The following IGFBP5 variants were observed in gnomAD, a reference collection of about 807,000 sequenced individuals.
IGFBP5 encodes the protein insulin-like growth factor-binding protein 5.
In IGFBP5, 12 loss-of-function variants were observed where a neutral mutation model predicts 28.0. That is an observed-to-expected ratio of 0.43 (90% confidence interval 0.27 to 0.69). The LOEUF is 0.69. Among genes scored for constraint, IGFBP5 ranks in the 30% least tolerant of loss-of-function variants. IGFBP5 has a pLI of 0.20. For synonymous variants in IGFBP5, 152 were observed against 150.2 expected (o/e 1.01, Z -0.09); for missense variants, 344 against 381.6 (o/e 0.90, Z 0.82).
Position 216,692,880 on chromosome 2 carries a change from A to G in IGFBP5, c.337+1559T>C, listed in dbSNP as rs1434722461. Among the ~76,000 whole-genome samples, 1 of 152,028 alleles carries G rather than the reference A, an allele frequency of 6.6e-6. No homozygotes were observed. Among genetic ancestry groups the G allele is most frequent in the Non-Finnish European group, 1.5e-5 (1 of 67,978 alleles). ...GGGTTTGCGGGGACTGAGGCTGAAC[A>G]CAGGAAGCTCTCCGGCCTCCTGGCA... On this transcript the variant is annotated intron_variant, in intron 1 of 3. Transcript: ENST00000233813. This position sits in a 1 kb window ranked among gnomAD's most constrained non-coding sequence, Gnocchi z 4.2.
chr2:216,690,450 C>T (rs1009668769), intron 1 of IGFBP5, among the ~76,000 whole-genome samples: 1 of 152,202 alleles, frequency 6.6e-6, no homozygotes, highest in Non-Finnish European at 1.5e-5. Flanking sequence ...ATAGGCATTG[C>T]TCAGGTACAA....
At chr2:216,687,686 A>G (rs1409655149) in intron 1 of IGFBP5, among the ~76,000 whole-genome samples, 2 of 152,152 alleles carry the variant, frequency 1.3e-5, no homozygotes, top group African/African-American at 2.4e-5. Context: ...ACATTCCCCA[A>G]ATGAGAAGGT....
At chr2:216,680,448 C>A (rs2106218908) in intron 1 of IGFBP5, among the ~76,000 whole-genome samples, 1 of 152,208 alleles carries the variant, frequency 6.6e-6, no homozygotes, top group East Asian at 1.9e-4. Context: ...CTGTTTTATG[C>A]CTCTGGGCAG....
rs1689141402 is a variant in IGFBP5 at position 216,694,390 on chromosome 2, T to TC, written c.337+48dup. ...GCGCGCGGGCCCAGCCGGTCTCGTG[T>TC]CCCCCGCCCGTGCGCCGCGTAACTG... On this transcript the variant is annotated intron_variant, in intron 1 of 3. Coordinates refer to ENST00000233813, the MANE Select transcript of IGFBP5 (RefSeq NM_000599.4). The surrounding 1 kb of genome is among the most constrained non-coding windows in gnomAD (Gnocchi z 5.2). 7.0e-7 allele frequency: 1 copy of TC among 1,421,130 alleles called. No homozygotes were observed. The highest frequency in any genetic ancestry group is 9.2e-7 in the Non-Finnish European group (1 of 1,082,960). The allele number at this position is 1,421,130 out of a possible 1,614,324, so 88.0% of individuals were successfully genotyped here.
rs559482329 is a variant in IGFBP5 at position 216,679,837 on chromosome 2, T to G, written c.338-758A>C. 6.6e-6 allele frequency among the ~76,000 whole-genome samples: 1 copy of G among 152,230 alleles called. No individual in the cohort carries two copies. The highest frequency in any genetic ancestry group is 1.9e-4 in the East Asian group (1 of 5,178). ...TCGGGGGCCTGGGAGGCTGGGACGTTACTCAGCTCTGGACTGAGAGAGGCC... is the reference window on the plus strand; with the variant it reads ...TCGGGGGCCTGGGAGGCTGGGACGTGACTCAGCTCTGGACTGAGAGAGGCC... On this transcript the variant is annotated intron_variant, in intron 1 of 3. Transcript: ENST00000233813. This position sits in a 1 kb window ranked among gnomAD's most constrained non-coding sequence, Gnocchi z 4.6.
intron 1 of IGFBP5, among the ~76,000 whole-genome samples, chr2:216,689,862 A>G (rs940223778): frequency 6.6e-6 from 1 of 152,206 alleles, no homozygotes; most frequent in African/African-American, 2.4e-5. Context: ...GCCAGGCACT[A>G]ACTAACTAAC....
intron 1 of IGFBP5, among the ~76,000 whole-genome samples, chr2:216,686,664 TTC>T (rs1689037785): frequency 6.8e-6 from 1 of 147,338 alleles, no homozygotes; most frequent in African/African-American, 2.6e-5. Context: ...ACTTTGACCT[TTC>T]TTTTTTTTTT....
chr2:216,679,559 G>A lies in IGFBP5; in HGVS notation c.338-480C>T, dbSNP rs1452832248. ...CAGATGACACAGTCAGGGCGTGGAC[G>A]AGAAGGGCAAAGGCTGTCCTGTTAG... On this transcript the variant is annotated intron_variant, in intron 1 of 3. Coordinates refer to ENST00000233813, the MANE Select transcript of IGFBP5 (RefSeq NM_000599.4). The surrounding 1 kb of genome is among the most constrained non-coding windows in gnomAD (Gnocchi z 4.6). 6.6e-6 allele frequency among the ~76,000 whole-genome samples: 1 copy of A among 152,134 alleles called. No homozygotes were observed. Among genetic ancestry groups the A allele is most frequent in the African/African-American group, 2.4e-5 (1 of 41,424 alleles).
intron 1 of IGFBP5, among the ~76,000 whole-genome samples, chr2:216,681,334 G>A (rs1042414057): frequency 3.3e-5 from 5 of 152,306 alleles, no homozygotes; most frequent in African/African-American, 1.2e-4. Context: ...CCTGGAGGGG[G>A]TTCAGATTGG....
At position 216,678,177 on chromosome 2, in the gene IGFBP5, G is replaced by C. The variant is rs766400391; in HGVS notation, c.622C>G (p.Arg208Gly). The change falls in exon 3 of 4, where the codon CGC becomes GGC. Residue 208 changes from arginine to glycine, a missense_variant. This residue lies in a region of IGFBP5 where 304 missense variants were observed against 329.2 expected (regional missense o/e 0.92). Coordinates refer to ENST00000233813, the MANE Select transcript of IGFBP5 (RefSeq NM_000599.4). ...ASLQELKASP[R>G]MVPRAVYLPN... ...AGGTACACAGCACGGGGCACCATGC[G>C]TGGGCTGGCTTTGAGCTCCTGCAGG... The C allele has an allele frequency of 1.3e-6, 2 of 1,595,398 alleles. No individual in the cohort carries two copies. The highest frequency in any genetic ancestry group is 1.7e-6 in the Non-Finnish European group (2 of 1,168,490).
Position 216,676,529 on chromosome 2 carries a change from A to AG in IGFBP5, c.*221dup, listed in dbSNP as rs6413496. 10,313 of 302,460 alleles carry AG rather than the reference A, an allele frequency of 0.034. 156 individuals carry two copies. Among genetic ancestry groups the AG allele is most frequent in the African/African-American group, 0.065 (2,849 of 43,752 alleles). The allele number at this position is 302,460 out of a possible 1,614,324, so 18.7% of individuals were successfully genotyped here. On this transcript the variant is annotated 3_prime_UTR_variant, in exon 4 of 4. Coordinates refer to ENST00000233813, the MANE Select transcript of IGFBP5 (RefSeq NM_000599.4). ...TTGCCTCAAAAAGAAAACCATTTAA[A>AG]GGGGGGGGGTGTCTTTTTAGCTTTT...
At position 216,692,901 on chromosome 2, in the gene IGFBP5, T is replaced by C. The variant is rs953994037; in HGVS notation, c.337+1538A>G. ...GAACACAGGAAGCTCTCCGGCCTCC[T>C]GGCAAGCGCGGACGCACTCCTCTCC... On this transcript the variant is annotated intron_variant, in intron 1 of 3. Coordinates refer to ENST00000233813, the MANE Select transcript of IGFBP5 (RefSeq NM_000599.4). The surrounding 1 kb of genome is among the most constrained non-coding windows in gnomAD (Gnocchi z 4.2). 6.6e-6 allele frequency among the ~76,000 whole-genome samples: 1 copy of C among 152,116 alleles called. No homozygotes were observed. Among genetic ancestry groups the C allele is most frequent in the Non-Finnish European group, 1.5e-5 (1 of 68,032 alleles).
At position 216,676,740 on chromosome 2, in the gene IGFBP5, G is replaced by A. The variant is rs113122788; in HGVS notation, c.*11C>T. On this transcript the variant is annotated 3_prime_UTR_variant, in exon 4 of 4. Coordinates refer to ENST00000233813, the MANE Select transcript of IGFBP5 (RefSeq NM_000599.4). ...TGGGAGGGGGTGAGGGAAAGGTTGG[G>A]GGGGGACGCATCACTCAACGTTGCT... 8.0e-5 allele frequency: 128 copies of A among 1,607,682 alleles called. 1 individual carries two copies. The highest frequency in any genetic ancestry group is 7.4e-4 in the African/African-American group (55 of 74,594).
At chr2:216,677,909 G>A (rs1175617457) in intron 3 of IGFBP5, among the ~76,000 whole-genome samples, 3 of 152,182 alleles carry the variant, frequency 2.0e-5, no homozygotes, top group African/African-American at 4.8e-5. Flanking sequence ...GTGGATTACC[G>A]CATAGGAGAG....
At position 216,676,785 on chromosome 2, in the gene IGFBP5, T is replaced by A. The variant is rs1688905690; in HGVS notation, c.785A>T (p.Gln262Leu). The A allele has an allele frequency of 6.2e-7, 1 of 1,613,884 alleles. No individual in the cohort carries two copies. The highest frequency in any genetic ancestry group is 8.5e-7 in the Non-Finnish European group (1 of 1,179,880). ...GTTGCTGCTGTCGAAGGTGTGGCAC[T>A]GAAAGTCCCCGTCAACGTACTCCAT... ...PGMEYVDGDFQCHTFDSSNVE is the reference protein window; with the variant it reads ...PGMEYVDGDFLCHTFDSSNVE The change falls in exon 4 of 4, where the codon CAG becomes CTG. Residue 262 changes from glutamine to leucine, a missense_variant. This residue lies in a region of IGFBP5 where 36 missense variants were observed against 34.1 expected (regional missense o/e 1.06). Coordinates refer to ENST00000233813, the MANE Select transcript of IGFBP5 (RefSeq NM_000599.4).
chr2:216,680,472 C>A (rs889065327), intron 1 of IGFBP5, among the ~76,000 whole-genome samples: 1 of 152,174 alleles, frequency 6.6e-6, no homozygotes, highest in Admixed American at 6.5e-5. Context: ...TAGAACCTGA[C>A]TTCTGAGCTT....
Position 216,694,811 on chromosome 2 carries a change from C to T in IGFBP5, c.-36G>A. 1 of 1,352,680 alleles carries T rather than the reference C, an allele frequency of 7.4e-7. No homozygotes were observed. 83.8% of individuals were successfully genotyped at this position (1,352,680 alleles called of 1,614,324 possible). The stretch of plus-strand genomic sequence containing the variant: ...TCGCCCCCTTTACCTCGGGGTGGGG[C>T]AGGAGAGCGAGAGTGCAGGGATAAA... On this transcript the variant is annotated 5_prime_UTR_variant, in exon 1 of 4. Coordinates refer to ENST00000233813, the MANE Select transcript of IGFBP5 (RefSeq NM_000599.4). This position sits in a 1 kb window ranked among gnomAD's most constrained non-coding sequence, Gnocchi z 5.2.
chr2:216,681,971 G>A (rs967461656), intron 1 of IGFBP5, among the ~76,000 whole-genome samples: 3 of 152,164 alleles, frequency 2.0e-5, no homozygotes, highest in African/African-American at 7.2e-5. Context: ...AAGTGTTCAA[G>A]TACTGCCCCG....
At position 216,678,891 on chromosome 2, in the gene IGFBP5, G is replaced by C. The variant is rs763073487; in HGVS notation, c.526C>G (p.Arg176Gly). The C allele has an allele frequency of 1.9e-6, 3 of 1,614,194 alleles. No homozygotes were observed. The highest frequency in any genetic ancestry group is 4.5e-5 in the East Asian group (2 of 44,878). Residue 176 changes from arginine to glycine, a missense_variant, in exon 2 of 4, where the codon CGG becomes GGG. By Grantham distance (125) the Arg-to-Gly change is moderately radical. Around this residue, in one of 3 missense-constraint regions of IGFBP5, gnomAD observed 304 missense variants for 329.2 expected, o/e 0.92. Transcript: ENST00000233813. ...VGGAENTAHP[R>G]IISAPEMRQE... ...CTCATCTCAGGTGCAGAGATGATCC[G>C]GGGGTGGGCAGTGTTCTCGGCTCCC...
Sources: allele counts gnomAD v4.1 joint callset (sites outside exome capture counted in the v4.1 genomes callset), GRCh38; gene constraint gnomAD v4.1.1; regional missense constraint gnomAD v4.1.1; non-coding constraint Gnocchi (gnomAD v3.1); transcripts MANE v1.5; gene names NCBI Gene and HGNC (gene_info 2026-07-23, HGNC 2026-07-21).